The following DCHS2 variants were observed in gnomAD, a reference collection of about 807,000 sequenced individuals.
DCHS2 encodes the protein protocadherin-23.
A neutral mutation model predicts 182.4 loss-of-function variants in DCHS2; 142 were observed. The observed-to-expected ratio is 0.78, with a 90% CI of 0.68 to 0.89. DCHS2 has a LOEUF of 0.89. DCHS2 is among the 40% of genes least tolerant of loss of function. The pLI, the probability that DCHS2 is intolerant of heterozygous loss-of-function variation, is 0.00. For missense variants in DCHS2, 4,319 were observed against 4,198.6 expected (o/e 1.03, Z -0.79); for synonymous variants, 1,740 against 1,663.3 (o/e 1.05, Z -1.12).
At chr4:154,433,202 G>A (rs2110939096) in intron 1 of DCHS2, among the ~76,000 whole-genome samples, 1 of 152,142 alleles carries the variant, frequency 6.6e-6, no homozygotes, top group Admixed American at 6.6e-5. Flanking sequence ...TGACAATGGA[G>A]GCAGTTTGGA....
At chr4:154,364,872 T>G (rs929490766) in intron 3 of DCHS2, among the ~76,000 whole-genome samples, 3 of 152,180 alleles carry the variant, frequency 2.0e-5, no homozygotes, top group Non-Finnish European at 2.9e-5. Flanking sequence ...TTCTACCCAC[T>G]GTTTGGATCA....
In DCHS2 at chr4:154,489,910, G is replaced by T. The variant is rs771132274; in HGVS notation, c.1446C>A (p.Pro482=). 6.5e-7 allele frequency: 1 copy of T among 1,539,232 alleles called. No individual in the cohort carries two copies. The highest frequency in any genetic ancestry group is 1.4e-5 in the African/African-American group (1 of 72,680). Residue 482 remains proline (P), a synonymous_variant, in exon 1 of 20, where the codon CCC becomes CCA. Transcript: ENST00000357232. ...EGGEGDFALL[P]GGPPGVFFLC... ...GGAAAAATACCCCTGGGGGGCCGCC[G>T]GGTAGCAACGCGAAGTCTCCCTCTC...
chr4:154,349,642 T>C (rs1163272071), intron 3 of DCHS2, among the ~76,000 whole-genome samples: 1 of 152,202 alleles, frequency 6.6e-6, no homozygotes, highest in Non-Finnish European at 1.5e-5. Context: ...CCTTTGTTTC[T>C]ATTATTACTA....
Position 154,239,185 on chromosome 4 carries a change from T to C in DCHS2, c.7477A>G (p.Ile2493Val). 6.2e-7 allele frequency: 1 copy of C among 1,612,510 alleles called. No homozygotes were observed. The highest frequency in any genetic ancestry group is 1.1e-5 in the South Asian group (1 of 90,904). Residue 2493 changes from isoleucine (I) to valine (V), a missense_variant, in exon 19 of 20, where the codon ATT becomes GTT. Ile to Val is a conservative substitution (Grantham distance 29). Transcript: ENST00000357232. ...RILSSSKEFSIDPKNGTIFTI... is the reference protein window; with the variant it reads ...RILSSSKEFSVDPKNGTIFTI... ...AATAACTCACCATTCTTAGGATCAA[T>C]GGAGAATTCCTTAGAAGAGGATAGA...
intron 4 of DCHS2, 23 bp downstream of exon 4, chr4:154,334,845 C>T: frequency 6.5e-7 from 1 of 1,527,726 alleles, no homozygotes. Context: ...GAATTCCATG[C>T]AGCATAAGAA....
At chr4:154,452,625 A>AAAAC (rs529334859) in intron 1 of DCHS2, among the ~76,000 whole-genome samples, 30 of 148,740 alleles carry the variant, frequency 2.0e-4, no homozygotes, top group African/African-American at 6.8e-4. Flanking sequence ...CTCCATCGCA[A>AAAAC]AAACAAACAA....
Position 154,281,773 on chromosome 4 carries a change from C to T in DCHS2, c.6464-11760G>A, listed in dbSNP as rs995729580. 5.9e-5 allele frequency among the ~76,000 whole-genome samples: 9 copies of T among 152,100 alleles called. No homozygotes were observed. In the South Asian group the frequency reaches 6.2e-4, roughly 11 times the overall value. ...CTAGAGGCTTCATACTTACTGACTT[C>T]GAAACAGTTTACAAAGCTACACCAA... On this transcript the variant is annotated intron_variant, in intron 13 of 19. Transcript: ENST00000357232.
At chr4:154,257,067 G>A (rs1328108426) in intron 15 of DCHS2, among the ~76,000 whole-genome samples, 1 of 152,130 alleles carries the variant, frequency 6.6e-6, no homozygotes, top group African/African-American at 2.4e-5. Flanking sequence ...GGCCAACATG[G>A]TGAAACCCCA....
chr4:154,344,289 TA>T (rs1729254006), intron 3 of DCHS2, among the ~76,000 whole-genome samples: 1 of 152,198 alleles, frequency 6.6e-6, no homozygotes, highest in Non-Finnish European at 1.5e-5. Flanking sequence ...ATAACACTAA[TA>T]AATTTGCTTG....
At position 154,236,869 on chromosome 4, in the gene DCHS2, G is replaced by A. The variant is rs781405032; in HGVS notation, c.7783C>T (p.Gln2595Ter). ...VEYSIISGNS[Q>*]NNFHVETKFF... ...TTAGTTTCCACATGAAAATTGTTCT[G>A]TGAATTACCACTGATGATGGAATAT... Residue 2595 changes from glutamine to a stop codon, truncating the protein, a stop_gained, in exon 20 of 20, where the codon CAG becomes TAG. Coordinates refer to ENST00000357232, the MANE Select transcript of DCHS2 (RefSeq NM_001358235.2). LOFTEE classifies it low-confidence loss of function (END_TRUNC). 5 of 1,613,912 alleles carry A rather than the reference G, an allele frequency of 3.1e-6. No individual in the cohort carries two copies. In the East Asian group the frequency reaches 6.7e-5, roughly 22 times the overall value.
intron 13 of DCHS2, among the ~76,000 whole-genome samples, chr4:154,277,026 G>C (rs773568678): frequency 2.6e-4 from 40 of 152,206 alleles, no homozygotes; most frequent in Non-Finnish European, 3.8e-4. Context: ...CAGTTCTGTA[G>C]TCATCTTTAT....
At chr4:154,319,067 C>G (rs1735958659) in intron 9 of DCHS2, among the ~76,000 whole-genome samples, 2 of 152,114 alleles carry the variant, frequency 1.3e-5, no homozygotes, top group Admixed American at 6.5e-5. Flanking sequence ...TGATCTTCAA[C>G]AAGGTTTCCA....
At chr4:154,238,302 T>G (rs1731635908) in intron 19 of DCHS2, among the ~76,000 whole-genome samples, 1 of 152,194 alleles carries the variant, frequency 6.6e-6, no homozygotes, top group African/African-American at 2.4e-5. Context: ...GGCTTCATGC[T>G]GGTATTTTGG....
At position 154,321,267 on chromosome 4, in the gene DCHS2, A is replaced by T. The variant is rs766055426; in HGVS notation, c.4177-45T>A. 2.1e-6 allele frequency: 3 copies of T among 1,436,106 alleles called. No individual in the cohort carries two copies. The Admixed American group carries it at 7.5e-5, about 36-fold the overall frequency. 89.0% of individuals were successfully genotyped at this position (1,436,106 alleles called of 1,614,324 possible). A position where few individuals can be genotyped will look rare whatever the true frequency, so the allele number is the denominator to read the frequency against. On this transcript the variant is annotated intron_variant, in intron 8 of 19. Transcript: ENST00000357232. ...GATATTAATTTGGGGTATTTTTAAAACAGTTTAATGAATAAATGTAATAAT... is the reference window on the plus strand; with the variant it reads ...GATATTAATTTGGGGTATTTTTAAATCAGTTTAATGAATAAATGTAATAAT...
intron 16 of DCHS2, among the ~76,000 whole-genome samples, chr4:154,253,368 G>A (rs1732483130): frequency 6.6e-6 from 1 of 152,108 alleles, no homozygotes; most frequent in Non-Finnish European, 1.5e-5. Flanking sequence ...AAACCATGAC[G>A]CAAATAGGAA....
At chr4:154,453,943 AT>A (rs1248751099) in intron 1 of DCHS2, among the ~76,000 whole-genome samples, 37 of 152,320 alleles carry the variant, frequency 2.4e-4, no homozygotes, top group African/African-American at 8.7e-4. Context: ...GCAATTACTT[AT>A]TTTTTAAAGC....
At chr4:154,256,736 C>G (rs1382540299) in intron 15 of DCHS2, among the ~76,000 whole-genome samples, 1 of 152,106 alleles carries the variant, frequency 6.6e-6, no homozygotes, top group Admixed American at 6.5e-5. Flanking sequence ...CATCTCTCTC[C>G]TGGGCTACTA....
intron 8 of DCHS2, 142 bp downstream of exon 8, chr4:154,322,189 A>C: frequency 5.7e-6 from 7 of 1,217,774 alleles, no homozygotes; most frequent in Non-Finnish European, 7.9e-6. Context: ...TGCTATGTGC[A>C]ATGCTCTCAA....
At chr4:154,417,475 C>G (rs1234843922) in intron 1 of DCHS2, among the ~76,000 whole-genome samples, 2 of 152,114 alleles carry the variant, frequency 1.3e-5, no homozygotes, top group Non-Finnish European at 2.9e-5. Flanking sequence ...TAAGCTGCTT[C>G]AAGGGAGGGA....
Sources: gnomAD v4.1 joint callset for allele counts (sites outside exome capture counted in the v4.1 genomes callset) on GRCh38, gnomAD v4.1.1 for gene constraint, MANE v1.5 for transcripts, NCBI Gene and HGNC (gene_info 2026-07-23, HGNC 2026-07-21) for gene names.